SMPX: variants seen among roughly 807,000 people sequenced by gnomAD.
SMPX encodes the protein small muscle protein X-linked, also known as small muscular protein.
A neutral mutation model predicts 6.3 loss-of-function variants in SMPX; 2 were observed. The ratio of observed to expected loss-of-function variants is 0.32; its 90% CI spans 0.13 to 0.99. The LOEUF (loss-of-function observed/expected upper bound fraction) is 0.99. Ranked by LOEUF, SMPX falls within the 50% of genes least tolerant of loss-of-function variation. The probability of loss-of-function intolerance (pLI) is 0.49; values close to 1 mark genes in which losing one functional copy is unlikely to be tolerated. For missense variants in SMPX, 60 were observed against 66.8 expected (o/e 0.90, Z 0.36); for synonymous variants, 32 against 24.7 (o/e 1.30, Z -0.88).
At chrX:21,713,636 C>T (rs1459842880) in intron 4 of SMPX, among the ~76,000 whole-genome samples, 1 of 111,478 alleles carries the variant, frequency 9.0e-6, no homozygotes, top group Non-Finnish European at 1.9e-5. Context: ...ACGAGAACAA[C>T]ATGAGAAAGA....
In SMPX at chrX:21,731,678, TAATGTGTACATGTACACATA is replaced by T. The variant is rs1213237216; in HGVS notation, c.*14+5851_*14+5870del. Among the ~76,000 whole-genome samples the T allele has an allele frequency of 2.6e-4, 22 of 84,338 alleles. No homozygotes were observed. The East Asian group carries it at 6.2e-3, about 24-fold the overall frequency. The allele number at this position is 84,338 out of a possible 115,157, so 73.2% of individuals were successfully genotyped here. A position where few individuals can be genotyped will look rare whatever the true frequency, so the allele number is the denominator to read the frequency against. On this transcript the variant is annotated intron_variant, in intron 4 of 4. Transcript: ENST00000379494. ...AGTGTGTATGTGTATGTGTACACAT[TAATGTGTACATGTACACATA>T]AATGTGTATATGTGTATATGTACAC...
At chrX:21,732,738 C>T (rs1258789911) in intron 4 of SMPX, among the ~76,000 whole-genome samples, 2 of 112,017 alleles carry the variant, frequency 1.8e-5, no homozygotes, top group African/African-American at 3.2e-5. Flanking sequence ...GAAGAGGACT[C>T]TTATGGACTG....
intron 4 of SMPX, among the ~76,000 whole-genome samples, chrX:21,725,203 T>A (rs2147378904): frequency 8.9e-6 from 1 of 112,054 alleles, no homozygotes; most frequent in South Asian, 3.8e-4. Flanking sequence ...AAATTAAATG[T>A]GAATGGGGCA....
intron 4 of SMPX, among the ~76,000 whole-genome samples, chrX:21,726,291 ACTT>A (rs1184883226): frequency 1.6e-4 from 18 of 111,931 alleles, no homozygotes; most frequent in Non-Finnish European, 2.6e-4. Context: ...TGATCGCCCC[ACTT>A]CTTCTCGCAG....
chrX:21,744,247 G>T (rs1293583981), intron 2 of SMPX, among the ~76,000 whole-genome samples: 1 of 111,335 alleles, frequency 9.0e-6, no homozygotes, highest in Non-Finnish European at 1.9e-5. Context: ...CCCTCCTTCC[G>T]GTCCCTTCAA....
At position 21,725,961 on chromosome X, in the gene SMPX, A is replaced by G. The variant is rs780801237; in HGVS notation, c.*14+11588T>C. Among the ~76,000 whole-genome samples, 3 of 111,997 alleles carry G rather than the reference A, an allele frequency of 2.7e-5. No individual in the cohort carries two copies. In the South Asian group the frequency reaches 1.1e-3, roughly 42 times the overall value. Reference sequence around the variant, plus strand: ...AAGCAAGGGGCAGAGGGCAGAAGGTATGGGCAGACTGTGAGGACAGCGAAG... The same window carrying G: ...AAGCAAGGGGCAGAGGGCAGAAGGTGTGGGCAGACTGTGAGGACAGCGAAG... On this transcript the variant is annotated intron_variant, in intron 4 of 4. Coordinates refer to ENST00000379494, the MANE Select transcript of SMPX (RefSeq NM_014332.3).
chrX:21,713,238 C>T (rs1317716408), intron 4 of SMPX, among the ~76,000 whole-genome samples: 1 of 111,861 alleles, frequency 8.9e-6, no homozygotes, highest in Non-Finnish European at 1.9e-5. Flanking sequence ...TGGTATTGCT[C>T]CTCATTTTAG....
rs1170131695 is a variant in SMPX at position 21,743,788 on chromosome X, G to A, written c.94C>T (p.Pro32Ser). 3.3e-6 allele frequency: 4 copies of A among 1,207,548 alleles called. No homozygotes were observed. The highest frequency in any genetic ancestry group is 3.5e-5 in the African/African-American group (2 of 56,894). The change falls in exon 3 of 5, where the codon CCC (proline) becomes TCC (serine). Residue 32 changes from proline to serine, a missense_variant. Transcript: ENST00000379494. The stretch of plus-strand genomic sequence containing the variant: ...GGAGTACATTCTTTTCTTCTGGGGG[G>A]TTGACCTGCTCCTGGCCGAAAGGCT... ...MGAFRPGAGQ[P>S]PRRKECTPEV...
intron 4 of SMPX, among the ~76,000 whole-genome samples, chrX:21,722,076 G>A (rs151294283): frequency 1.8e-5 from 2 of 110,590 alleles, no homozygotes; most frequent in Admixed American, 9.6e-5. Flanking sequence ...TGGGAGGATC[G>A]CTTGAGCCCA....
chrX:21,757,080 A>G (rs762241902), intron 1 of SMPX, among the ~76,000 whole-genome samples: 190 of 112,015 alleles, frequency 1.7e-3, no homozygotes, highest in Non-Finnish European at 2.9e-3. Flanking sequence ...TGTCAATAGT[A>G]ATATCACTCA....
chrX:21,719,905 T>G (rs1347942788), intron 4 of SMPX, among the ~76,000 whole-genome samples: 2 of 112,028 alleles, frequency 1.8e-5, no homozygotes, highest in Non-Finnish European at 3.8e-5. Flanking sequence ...TTTAAATAAA[T>G]GTAAGAAATC....
intron 2 of SMPX, among the ~76,000 whole-genome samples, chrX:21,746,641 C>T (rs1055894979): frequency 1.9e-4 from 17 of 88,624 alleles, no homozygotes; most frequent in African/African-American, 6.2e-4. Context: ...ATCAGAAAAA[C>T]TTAAATGGGT....
Position 21,751,549 on chromosome X carries a change from C to T in SMPX, c.45+2697G>A, listed in dbSNP as rs779069415. ...ACTGAGGCACAAAGAGGCTAAATAA[C>T]TTTCTCAAAGTCATGCAGCTAGCAA... On this transcript the variant is annotated intron_variant, in intron 2 of 4. Transcript: ENST00000379494. Among the ~76,000 whole-genome samples the T allele has an allele frequency of 1.6e-4, 18 of 112,225 alleles. No individual in the cohort carries two copies. In the East Asian group the frequency reaches 4.7e-3, roughly 30 times the overall value.
chrX:21,738,930 G>C (rs1252597012), intron 3 of SMPX, among the ~76,000 whole-genome samples: 1 of 111,474 alleles, frequency 9.0e-6, no homozygotes, highest in Non-Finnish European at 1.9e-5. Flanking sequence ...TCCCCAGCAA[G>C]TATCTTTGGG....
At chrX:21,729,843 G>T (rs941478558) in intron 4 of SMPX, among the ~76,000 whole-genome samples, 2 of 111,634 alleles carry the variant, frequency 1.8e-5, no homozygotes, top group Non-Finnish European at 3.8e-5. Context: ...CTGTTGAGAG[G>T]CTCTTAAAGC....
chrX:21,747,241 C>A (rs1219931665), intron 2 of SMPX, among the ~76,000 whole-genome samples: 1 of 110,851 alleles, frequency 9.0e-6, no homozygotes, highest in Non-Finnish European at 1.9e-5. Flanking sequence ...CTTTGTATTT[C>A]TTTTCCCTCC....
intron 4 of SMPX, among the ~76,000 whole-genome samples, chrX:21,729,010 A>G (rs1207159335): frequency 1.8e-5 from 2 of 112,337 alleles, no homozygotes; most frequent in Non-Finnish European, 3.8e-5. Context: ...AGAAGACTTG[A>G]TGAGCTGCTG....
intron 1 of SMPX, among the ~76,000 whole-genome samples, chrX:21,755,285 G>C (rs373939201): frequency 8.9e-6 from 1 of 112,698 alleles, no homozygotes; most frequent in Non-Finnish European, 1.9e-5. Context: ...GGTTGATTGA[G>C]GTCTATTGAC....
At chrX:21,725,851 C>A (rs2092796320) in intron 4 of SMPX, among the ~76,000 whole-genome samples, 1 of 112,031 alleles carries the variant, frequency 8.9e-6, no homozygotes, top group Non-Finnish European at 1.9e-5. Flanking sequence ...GAGCTTTCTT[C>A]ATATTCGCTG....
Sources: allele counts gnomAD v4.1 joint callset (sites outside exome capture counted in the v4.1 genomes callset), GRCh38; gene constraint gnomAD v4.1.1; transcripts MANE v1.5; gene names NCBI Gene and HGNC (gene_info 2026-07-23, HGNC 2026-07-21).